IMMP2L: variants seen among roughly 807,000 people sequenced by gnomAD.
IMMP2L encodes the protein mitochondrial inner membrane protease subunit 2.
A neutral mutation model predicts 19.3 loss-of-function variants in IMMP2L; 18 were observed. That is an observed-to-expected ratio of 0.93 (90% CI 0.64 to 1.38). The LOEUF (loss-of-function observed/expected upper bound fraction) is 1.38, where lower values mean the gene tolerates loss of function less well. Ranked by LOEUF, IMMP2L falls within the 40% of genes most tolerant of loss-of-function variation. IMMP2L has a pLI of 0.00. For missense variants in IMMP2L, 233 were observed against 218.2 expected, an observed-to-expected ratio of 1.07 and a Z score of -0.43; for synonymous variants, 76 against 73.0, an observed-to-expected ratio of 1.04 and a Z score of -0.21.
chr7:111,265,552 G>A (rs1426255158), intron 3 of IMMP2L, among the ~76,000 whole-genome samples: 3 of 152,148 alleles, frequency 2.0e-5, no homozygotes, highest in Admixed American at 6.6e-5. Context: ...TTTCATGGAA[G>A]GGACATTATT....
chr7:110,974,193 C>A (rs1398707916), intron 3 of IMMP2L, among the ~76,000 whole-genome samples: 1 of 152,070 alleles, frequency 6.6e-6, no homozygotes, highest in Non-Finnish European at 1.5e-5. Context: ...TTCTCAGAAA[C>A]ATATGCTCAC....
chr7:111,314,159 A>G (rs1195704492), intron 3 of IMMP2L, among the ~76,000 whole-genome samples: 1 of 152,122 alleles, frequency 6.6e-6, no homozygotes, highest in Non-Finnish European at 1.5e-5. Flanking sequence ...AGTTTCAGGT[A>G]TTTCTCTATA....
At chr7:110,836,319 T>C (rs1463290389) in intron 5 of IMMP2L, among the ~76,000 whole-genome samples, 4 of 152,184 alleles carry the variant, frequency 2.6e-5, no homozygotes, top group African/African-American at 9.7e-5. Flanking sequence ...CCTCATGATA[T>C]GATTTGGCTG....
chr7:111,073,962 G>C (rs1462045103), intron 3 of IMMP2L, among the ~76,000 whole-genome samples: 2 of 152,030 alleles, frequency 1.3e-5, no homozygotes, highest in South Asian at 4.2e-4. Flanking sequence ...TCTATCCCTT[G>C]GTCTGTCCAC....
At chr7:111,492,743 C>A (rs974699519) in intron 2 of IMMP2L, among the ~76,000 whole-genome samples, 3 of 152,260 alleles carry the variant, frequency 2.0e-5, no homozygotes, top group East Asian at 3.9e-4. Context: ...CAGAAGGAAG[C>A]ATGTCTAACT....
rs756995832 is a variant in IMMP2L at position 111,271,908 on chromosome 7, CAT to C, written c.239+215328_239+215329del. ...TCTCTGGTCACATTCTATTCCTACA[CAT>C]GTTTCCAACCTGTCTACTTCATCTC... On this transcript the variant is annotated intron_variant, in intron 3 of 5. Coordinates refer to ENST00000405709, the MANE Select transcript of IMMP2L (RefSeq NM_032549.4). Among the ~76,000 whole-genome samples the C allele has an allele frequency of 3.5e-4, 54 of 152,290 alleles. 1 individual carries two copies. The highest frequency in any genetic ancestry group is 8.3e-4 in the South Asian group (4 of 4,824).
At position 111,252,033 on chromosome 7, in the gene IMMP2L, C is replaced by G. The variant is rs541492404; in HGVS notation, c.239+235205G>C. ...TCATGTCACTGAAAATTGACATGAACAGAAAAAAAGAAACAGATTTTGCTT... is the reference window on the plus strand; with the variant it reads ...TCATGTCACTGAAAATTGACATGAAGAGAAAAAAAGAAACAGATTTTGCTT... On this transcript the variant is annotated intron_variant, in intron 3 of 5. Transcript: ENST00000405709. Among the ~76,000 whole-genome samples, 21 of 151,178 alleles carry G rather than the reference C, an allele frequency of 1.4e-4. No individual in the cohort carries two copies. In the East Asian group the frequency reaches 3.3e-3, roughly 24 times the overall value.
rs6947843 is a variant in IMMP2L, at chr7:111,227,254, T to C, written c.239+259984A>G. Among the ~76,000 whole-genome samples, 545 of 152,220 alleles carry C rather than the reference T, an allele frequency of 3.6e-3. 4 individuals are homozygous for C. The highest frequency in any genetic ancestry group is 0.012 in the African/African-American group (515 of 41,550). On this transcript the variant is annotated intron_variant, in intron 3 of 5. Transcript: ENST00000405709. Reference sequence around the variant, plus strand: ...CCCACACACATTTCTCACACTATTCTGCATTCTTCCATTACCACTACTTTT... The same window carrying C: ...CCCACACACATTTCTCACACTATTCCGCATTCTTCCATTACCACTACTTTT...
intron 5 of IMMP2L, among the ~76,000 whole-genome samples, chr7:110,882,287 GCCTTCCTTCCTTCCTTCCTTCCTT>G (rs111710073): frequency 7.4e-5 from 9 of 122,066 alleles, no homozygotes; most frequent in East Asian, 2.5e-4. Flanking sequence ...TTTGTCAAGT[GCCTTCCTTCCTTCCTTCCTTCCTT>G]CCTTCCTTCC....
intron 3 of IMMP2L, among the ~76,000 whole-genome samples, chr7:111,400,601 A>T (rs946727786): frequency 1.3e-5 from 2 of 152,040 alleles, no homozygotes; most frequent in Non-Finnish European, 2.9e-5. Context: ...TCAGCCATCT[A>T]TATCTGTAGT....
At chr7:111,375,067 T>C (rs918654329) in intron 3 of IMMP2L, among the ~76,000 whole-genome samples, 23 of 152,052 alleles carry the variant, frequency 1.5e-4, no homozygotes, top group African/African-American at 5.6e-4. Context: ...TCCCACTATT[T>C]AGGAGGTGCT....
intron 3 of IMMP2L, among the ~76,000 whole-genome samples, chr7:111,035,976 G>A (rs1055595540): frequency 2.2e-4 from 34 of 152,076 alleles, no homozygotes; most frequent in Admixed American, 5.9e-4. Flanking sequence ...GTTATTGTGA[G>A]GATTAGATGA....
At chr7:111,383,662 C>A (rs953905966) in intron 3 of IMMP2L, among the ~76,000 whole-genome samples, 2 of 151,996 alleles carry the variant, frequency 1.3e-5, no homozygotes, top group African/African-American at 4.8e-5. Context: ...AGTCCAGAAT[C>A]CCAGAAGGCA....
intron 1 of IMMP2L, among the ~76,000 whole-genome samples, chr7:111,530,746 T>C (rs1847312903): frequency 6.6e-6 from 1 of 152,098 alleles, no homozygotes; most frequent in South Asian, 2.1e-4. Flanking sequence ...AAAATGTTCA[T>C]TATAAAATTC....
chr7:111,211,165 T>C (rs1480771187), intron 3 of IMMP2L, among the ~76,000 whole-genome samples: 2 of 151,612 alleles, frequency 1.3e-5, no homozygotes, highest in Non-Finnish European at 2.9e-5. Flanking sequence ...ACTACAAGAG[T>C]TCAGAAGAAG....
At chr7:111,459,559 C>T (rs1839963962) in intron 3 of IMMP2L, among the ~76,000 whole-genome samples, 1 of 151,994 alleles carries the variant, frequency 6.6e-6, no homozygotes, top group Admixed American at 6.6e-5. Flanking sequence ...ACTTACTCCC[C>T]CTTTAAGAGT....
intron 3 of IMMP2L, among the ~76,000 whole-genome samples, chr7:111,432,575 A>G (rs143642080): frequency 3.0e-4 from 46 of 151,766 alleles, no homozygotes; most frequent in African/African-American, 1.1e-3. Context: ...TCAACATAAT[A>G]AAGGCCATAT....
intron 4 of IMMP2L, among the ~76,000 whole-genome samples, chr7:110,960,639 A>G (rs550404240): frequency 6.6e-6 from 1 of 151,908 alleles, no homozygotes; most frequent in Non-Finnish European, 1.5e-5. Flanking sequence ...AGTTTCTGCC[A>G]CAAAGCAAAA....
At chr7:111,301,937 A>C (rs1205404111) in intron 3 of IMMP2L, among the ~76,000 whole-genome samples, 2 of 150,898 alleles carry the variant, frequency 1.3e-5, no homozygotes, top group East Asian at 1.9e-4. Flanking sequence ...AAAAAAAAAA[A>C]AAAAAAAAAA....
Sources: allele counts gnomAD v4.1 joint callset (sites outside exome capture counted in the v4.1 genomes callset), GRCh38; gene constraint gnomAD v4.1.1; transcripts MANE v1.5; gene names NCBI Gene and HGNC (gene_info 2026-07-23, HGNC 2026-07-21).